CPHXL2: variants seen among roughly 807,000 people sequenced by gnomAD.
CPHXL2 encodes cytoplasmic polyadenylated homeobox-like protein 2.
the CPHXL2 span, among the ~76,000 whole-genome samples, chr16:75,672,685 A>C: frequency 6.6e-6 from 1 of 152,106 alleles, no homozygotes; most frequent in East Asian, 1.9e-4. Context: ...GGCCTTCACC[A>C]TGTTGACCAG....
chr16:75,668,951 T>G, the CPHXL2 span, among the ~76,000 whole-genome samples: 1 of 152,176 alleles, frequency 6.6e-6, no homozygotes, highest in East Asian at 1.9e-4. Context: ...CTCTCCCATT[T>G]CTTTGAATTC....
At chr16:75,672,336 G>T in the CPHXL2 span, among the ~76,000 whole-genome samples, 1 of 151,680 alleles carries the variant, frequency 6.6e-6, no homozygotes, top group Non-Finnish European at 1.5e-5. Context: ...AAATAATTTC[G>T]CACGTATTGT....
At chr16:75,674,372 C>CAAAAAAAAAAAA in the CPHXL2 span, among the ~76,000 whole-genome samples, 8 of 53,386 alleles carry the variant, frequency 1.5e-4, no homozygotes, top group African/African-American at 5.2e-4. Flanking sequence ...GACTCCGTCT[C>CAAAAAAAAAAAA]AAAAAAAAAA....
At chr16:75,669,294 C>T in the CPHXL2 span, 10 of 390,246 alleles carry the variant, frequency 2.6e-5, no homozygotes, top group South Asian at 1.4e-4. Flanking sequence ...CCAGACTGGG[C>T]GACTGGAGTG....
the CPHXL2 span, among the ~76,000 whole-genome samples, chr16:75,665,745 C>G: frequency 6.6e-6 from 1 of 152,132 alleles, no homozygotes; most frequent in East Asian, 1.9e-4. Flanking sequence ...CGTCTGTAAT[C>G]CCAGCTACTT....
the CPHXL2 span, among the ~76,000 whole-genome samples, chr16:75,671,131 C>G: frequency 6.6e-6 from 1 of 152,120 alleles, no homozygotes; most frequent in Non-Finnish European, 1.5e-5. Flanking sequence ...GCCTATAATC[C>G]CAGCATTCTG....
At chr16:75,663,202 C>T in the CPHXL2 span, among the ~76,000 whole-genome samples, 1 of 152,144 alleles carries the variant, frequency 6.6e-6, no homozygotes, top group African/African-American at 2.4e-5. Context: ...CTACTAAATT[C>T]AGAATTGCTT....
chr16:75,660,294 G>C, the CPHXL2 span: 7 of 398,366 alleles, frequency 1.8e-5, no homozygotes, highest in South Asian at 8.9e-4. Flanking sequence ...GGTTCCTGTG[G>C]CAGGCCCGTG....
the CPHXL2 span, among the ~76,000 whole-genome samples, chr16:75,668,468 T>C: frequency 1.9e-3 from 296 of 152,236 alleles, 2 homozygotes; most frequent in African/African-American, 6.7e-3. Context: ...ACCTCGTGAT[T>C]CGCCCACTGT....
At chr16:75,665,633 C>T in the CPHXL2 span, among the ~76,000 whole-genome samples, 4 of 152,246 alleles carry the variant, frequency 2.6e-5, no homozygotes, top group African/African-American at 4.8e-5. Context: ...GAGGCTGAGG[C>T]GGGTGGATCA....
At chr16:75,666,609 A>C in the CPHXL2 span, among the ~76,000 whole-genome samples, 2 of 69,260 alleles carry the variant, frequency 2.9e-5, no homozygotes, top group African/African-American at 1.7e-4. Context: ...ACTCTATCTC[A>C]AAAAAAAAAA....
the CPHXL2 span, among the ~76,000 whole-genome samples, chr16:75,667,106 G>T: frequency 6.6e-6 from 1 of 152,064 alleles, no homozygotes; most frequent in Non-Finnish European, 1.5e-5. Context: ...GAGGTCAGGA[G>T]TTCGAGACCA....
chr16:75,661,188 G>A, the CPHXL2 span: 2 of 400,812 alleles, frequency 5.0e-6, no homozygotes, highest in Admixed American at 4.4e-5. Flanking sequence ...TTTTTTCCAA[G>A]TAAGAAATAT....
chr16:75,661,931 G>A, the CPHXL2 span, among the ~76,000 whole-genome samples: 138 of 152,286 alleles, frequency 9.1e-4, no homozygotes, highest in Non-Finnish European at 1.7e-3. Flanking sequence ...GTTCTGCAGT[G>A]CACACCAGCT....
At chr16:75,673,995 G>A in the CPHXL2 span, among the ~76,000 whole-genome samples, 17 of 127,364 alleles carry the variant, frequency 1.3e-4, no homozygotes, top group South Asian at 5.0e-4. Flanking sequence ...AAAAAAAAAA[G>A]ATAAAAAAAA....
the CPHXL2 span, among the ~76,000 whole-genome samples, chr16:75,664,718 G>A: frequency 4.0e-5 from 6 of 151,898 alleles, no homozygotes; most frequent in Admixed American, 6.6e-5. Flanking sequence ...GGCCTTAAAA[G>A]GTGATTGGAT....
At chr16:75,676,080 C>CA in the CPHXL2 span, among the ~76,000 whole-genome samples, 51 of 143,988 alleles carry the variant, frequency 3.5e-4, no homozygotes, top group South Asian at 6.8e-4. Context: ...ACTCCGTCTC[C>CA]AAAAAAAAAA....
At chr16:75,661,936 C>G in the CPHXL2 span, among the ~76,000 whole-genome samples, 1 of 152,160 alleles carries the variant, frequency 6.6e-6, no homozygotes, top group African/African-American at 2.4e-5. Flanking sequence ...GCAGTGCACA[C>G]CAGCTGGGTG....
the CPHXL2 span, among the ~76,000 whole-genome samples, chr16:75,670,573 A>C: frequency 6.6e-6 from 1 of 152,102 alleles, no homozygotes; most frequent in Non-Finnish European, 1.5e-5. Flanking sequence ...CAGTGATGCT[A>C]TCTCTATTTA....
Sources: gnomAD v4.1 joint callset for allele counts (sites outside exome capture counted in the v4.1 genomes callset) on GRCh38, gnomAD v4.1.1 for gene constraint, MANE v1.5 for transcripts, NCBI Gene and HGNC (gene_info 2026-07-23, HGNC 2026-07-21) for gene names.